NELL1: variants seen among roughly 807,000 people sequenced by gnomAD.
NELL1 encodes protein kinase C-binding protein NELL1.
In NELL1, 76 loss-of-function variants were observed where a neutral mutation model predicts 107.4. The observed-to-expected ratio is 0.71, with a 90% confidence interval of 0.59 to 0.86. NELL1 has a LOEUF of 0.86. Among genes scored for constraint, NELL1 ranks in the 40% least tolerant of loss-of-function variants. The probability of loss-of-function intolerance (pLI) is 0.00; values close to 1 mark genes in which losing one functional copy is unlikely to be tolerated. For synonymous variants in NELL1, 353 were observed against 341.2 expected (o/e 1.03, Z -0.38); for missense variants, 1,024 against 1,005.5 (o/e 1.02, Z -0.25).
chr11:21,056,590 G>A (rs921577981), intron 12 of NELL1, among the ~76,000 whole-genome samples: 11 of 152,096 alleles, frequency 7.2e-5, no homozygotes, highest in Admixed American at 6.6e-5. Flanking sequence ...ACCTTTTAAA[G>A]GAACATTCAT....
chr11:21,220,004 C>G (rs970133033), intron 13 of NELL1, among the ~76,000 whole-genome samples: 1 of 152,162 alleles, frequency 6.6e-6, no homozygotes, highest in Non-Finnish European at 1.5e-5. Flanking sequence ...GTGCTACACA[C>G]TTTTAAACAA....
At chr11:20,738,689 T>G (rs1232077211) in intron 2 of NELL1, among the ~76,000 whole-genome samples, 1 of 152,178 alleles carries the variant, frequency 6.6e-6, no homozygotes, top group East Asian at 1.9e-4. Context: ...TGTCCCCACA[T>G]GTAAAGTGTA....
At chr11:21,535,725 T>C (rs1856120433) in intron 16 of NELL1, among the ~76,000 whole-genome samples, 2 of 152,312 alleles carry the variant, frequency 1.3e-5, no homozygotes, top group Admixed American at 6.5e-5. Context: ...AAATAATGTT[T>C]ATATGTTTTT....
At chr11:20,701,940 C>A (rs921479679) in intron 2 of NELL1, among the ~76,000 whole-genome samples, 12 of 152,282 alleles carry the variant, frequency 7.9e-5, no homozygotes, top group Non-Finnish European at 1.0e-4. Flanking sequence ...AGTAAGGTAG[C>A]ATGATGCCTC....
chr11:20,991,014 A>G (rs560287643), intron 12 of NELL1, among the ~76,000 whole-genome samples: 29 of 152,026 alleles, frequency 1.9e-4, no homozygotes, highest in African/African-American at 6.0e-4. Flanking sequence ...GATCTTGAAA[A>G]CCAACTCTGG....
intron 15 of NELL1, among the ~76,000 whole-genome samples, chr11:21,454,626 T>A (rs1853674734): frequency 6.6e-6 from 1 of 152,226 alleles, no homozygotes. Flanking sequence ...TACCATAGAC[T>A]GAGTGGTTTA....
chr11:20,889,180 A>C (rs1849568002), intron 5 of NELL1, among the ~76,000 whole-genome samples: 4 of 152,230 alleles, frequency 2.6e-5, no homozygotes, highest in African/African-American at 9.6e-5. Flanking sequence ...AGACAGCCAC[A>C]CTTAGATATA....
intron 15 of NELL1, among the ~76,000 whole-genome samples, chr11:21,476,020 C>G (rs1185079234): frequency 6.6e-6 from 1 of 152,114 alleles, no homozygotes; most frequent in East Asian, 1.9e-4. Context: ...ATGACATCAT[C>G]TGAGTTGTAC....
intron 12 of NELL1, among the ~76,000 whole-genome samples, chr11:21,101,166 A>G (rs1854799910): frequency 6.6e-6 from 1 of 151,996 alleles, no homozygotes; most frequent in South Asian, 2.1e-4. Context: ...AAGGACATGA[A>G]CTCGTCATTT....
At chr11:21,409,446 G>A (rs1052311762) in intron 15 of NELL1, among the ~76,000 whole-genome samples, 6 of 152,014 alleles carry the variant, frequency 3.9e-5, no homozygotes, top group South Asian at 2.1e-4. Context: ...TTGGGGGAGC[G>A]GGGAGGGATA....
chr11:20,983,332 A>T (rs937529156), intron 12 of NELL1, among the ~76,000 whole-genome samples: 5 of 151,952 alleles, frequency 3.3e-5, no homozygotes, highest in Admixed American at 2.0e-4. Flanking sequence ...GCCTCTGCTA[A>T]CTCCCCATCC....
At chr11:21,557,085 C>T (rs571715621) in intron 16 of NELL1, among the ~76,000 whole-genome samples, 1 of 152,016 alleles carries the variant, frequency 6.6e-6, no homozygotes, top group East Asian at 2.0e-4. Flanking sequence ...TGGCTTTGTG[C>T]AGAGCAAACA....
chr11:20,879,409 AG>A (rs1849366659), intron 4 of NELL1, among the ~76,000 whole-genome samples: 1 of 152,214 alleles, frequency 6.6e-6, no homozygotes, highest in East Asian at 1.9e-4. Flanking sequence ...ACTTAAAAAT[AG>A]GGCCTCTGCT....
chr11:21,028,140 A>G (rs1478189269), intron 12 of NELL1, among the ~76,000 whole-genome samples: 3 of 152,188 alleles, frequency 2.0e-5, no homozygotes, highest in East Asian at 3.9e-4. Context: ...AAGCCATTCT[A>G]TATTTCTGAA....
intron 14 of NELL1, among the ~76,000 whole-genome samples, chr11:21,363,875 C>T (rs935519053): frequency 1.3e-5 from 2 of 152,046 alleles, no homozygotes; most frequent in Non-Finnish European, 2.9e-5. Flanking sequence ...TATACACTGG[C>T]CAAAAATGAA....
intron 14 of NELL1, among the ~76,000 whole-genome samples, chr11:21,337,735 C>CCTTTCTTTCTTTCTTTCTTTCTTT (rs34658936): frequency 2.8e-5 from 3 of 105,292 alleles, no homozygotes; most frequent in African/African-American, 7.4e-5. Context: ...TTCTTTCTTT[C>CCTTTCTTTCTTTCTTTCTTTCTTT]CTTTCTTTCT....
At chr11:20,709,652 T>C (rs1365932824) in intron 2 of NELL1, among the ~76,000 whole-genome samples, 1 of 152,238 alleles carries the variant, frequency 6.6e-6, no homozygotes, top group Non-Finnish European at 1.5e-5. Context: ...TTTCACAATA[T>C]TGATTCTACC....
chr11:21,097,792 A>C (rs1240779453), intron 12 of NELL1, among the ~76,000 whole-genome samples: 1 of 152,196 alleles, frequency 6.6e-6, no homozygotes, highest in African/African-American at 2.4e-5. Flanking sequence ...TTAAAACTGC[A>C]TGAGTTATCA....
chr11:21,368,830 A>C (rs545858590), intron 14 of NELL1, among the ~76,000 whole-genome samples: 1 of 152,192 alleles, frequency 6.6e-6, no homozygotes, highest in South Asian at 2.1e-4. Context: ...TTCTGTTATC[A>C]GCTAATTTTA....
Sources: allele counts gnomAD v4.1 joint callset (sites outside exome capture counted in the v4.1 genomes callset), GRCh38; gene constraint gnomAD v4.1.1; transcripts MANE v1.5; gene names NCBI Gene and HGNC (gene_info 2026-07-23, HGNC 2026-07-21).